Variants in XRN1 observed in about 807,000 individuals in gnomAD.
XRN1 encodes strand-exchange protein 1 homolog.
XRN1 carries 67 observed loss-of-function variants against 222.3 expected under a neutral mutation model. That is an observed-to-expected ratio of 0.30 (90% CI 0.25 to 0.37). XRN1 has a LOEUF of 0.37. XRN1 is among the 10% of genes least tolerant of loss of function. The pLI, the probability that XRN1 is intolerant of heterozygous loss-of-function variation, is 1.00. For synonymous variants in XRN1, 643 were observed against 652.4 expected, an observed-to-expected ratio of 0.99 and a Z score of 0.22; for missense variants, 1,707 against 2,000.2, an observed-to-expected ratio of 0.85 and a Z score of 2.80.
At position 142,433,247 on chromosome 3, in the gene XRN1, C is replaced by A. The variant is rs57584330; in HGVS notation, c.76-354G>T. 8.7e-4 allele frequency among the ~76,000 whole-genome samples: 132 copies of A among 152,300 alleles called. 1 individual carries two copies. In the East Asian group the frequency reaches 0.025, roughly 29 times the overall value. ...ATTTGACATTAACTCCTCAAAACCT[C>A]AATTTCCTCTATAATGGGTAACAAA... On this transcript the variant is annotated intron_variant, in intron 1 of 40. Transcript: ENST00000392981.
Position 142,309,744 on chromosome 3 carries a change from T to C in XRN1, c.*1767A>G, listed in dbSNP as rs2065039603. ...AGTAATGAGTGAGGCAAATTCTCAA[T>C]GCTGGAGTTTGTACAGCTGAGGTGA... On this transcript the variant is annotated 3_prime_UTR_variant, in exon 41 of 41. Transcript: ENST00000392981. 6.6e-6 allele frequency: 1 copy of C among 152,246 alleles called. No individual in the cohort carries two copies. Among genetic ancestry groups the C allele is most frequent in the Non-Finnish European group, 1.5e-5 (1 of 68,046 alleles). The allele number at this position is 152,246 out of a possible 1,614,324, so 9.4% of individuals were successfully genotyped here.
At chr3:142,433,814 A>G (rs927687496) in intron 1 of XRN1, among the ~76,000 whole-genome samples, 2 of 152,230 alleles carry the variant, frequency 1.3e-5, no homozygotes, top group African/African-American at 4.8e-5. Context: ...CTTCTGAAAC[A>G]GTAATTCAAG....
chr3:142,445,469 T>C (rs2070461175), intron 1 of XRN1, among the ~76,000 whole-genome samples: 1 of 152,240 alleles, frequency 6.6e-6, no homozygotes, highest in South Asian at 2.1e-4. Flanking sequence ...CTCATTTTTA[T>C]GTGAATTTAA....
chr3:142,331,856 CCT>C (rs2065706376), intron 36 of XRN1, among the ~76,000 whole-genome samples: 1 of 152,112 alleles, frequency 6.6e-6, no homozygotes. Flanking sequence ...CTCACTGCAA[CCT>C]CTGCCTCCAA....
chr3:142,418,512 T>G lies in XRN1; in HGVS notation c.1338A>C (p.Val446=), dbSNP rs772584086. Residue 446 remains valine, a synonymous_variant, in exon 12 of 41, where the codon GTA becomes GTC. Transcript: ENST00000392981. ...CATTGGCAAAAACGTACTCAGATAC[T>G]ACGTCAACCCCCATCTTCGTCATGT... ...TYYMTKMGVD[V]VSDDFLADQA... is the part of the protein sequence containing the mutation. The G allele has an allele frequency of 2.5e-6, 4 of 1,607,696 alleles. No individual in the cohort carries two copies. The highest frequency in any genetic ancestry group is 3.4e-6 in the Non-Finnish European group (4 of 1,177,284).
chr3:142,436,819 C>T (rs929089188), intron 1 of XRN1, among the ~76,000 whole-genome samples: 1 of 152,036 alleles, frequency 6.6e-6, no homozygotes, highest in African/African-American at 2.4e-5. Context: ...TATTTACATA[C>T]GTATCTGCAT....
At chr3:142,315,604 G>A (rs1341430141) in intron 39 of XRN1, among the ~76,000 whole-genome samples, 1 of 151,666 alleles carries the variant, frequency 6.6e-6, no homozygotes, top group Non-Finnish European at 1.5e-5. Flanking sequence ...TGCCTCCTGG[G>A]TTCAAGCGAT....
At chr3:142,352,676 G>A (rs1321955806) in intron 32 of XRN1, among the ~76,000 whole-genome samples, 2 of 152,094 alleles carry the variant, frequency 1.3e-5, no homozygotes, top group Non-Finnish European at 2.9e-5. Context: ...GTCTTGCTCT[G>A]TCATCCAGGC....
At chr3:142,362,680 TTTTC>T (rs2066683101) in intron 29 of XRN1, among the ~76,000 whole-genome samples, 2 of 149,268 alleles carry the variant, frequency 1.3e-5, no homozygotes, top group African/African-American at 2.5e-5. Context: ...CCTTTTCTTC[TTTTC>T]TTTTTCTCTC....
intron 2 of XRN1, among the ~76,000 whole-genome samples, chr3:142,427,537 A>G (rs2069311661): frequency 6.6e-6 from 1 of 152,200 alleles, no homozygotes; most frequent in African/African-American, 2.4e-5. Context: ...ATCATCATTT[A>G]ATGTATACAT....
At chr3:142,373,811 T>C (rs2067059153) in intron 25 of XRN1, among the ~76,000 whole-genome samples, 1 of 151,912 alleles carries the variant, frequency 6.6e-6, no homozygotes, top group Non-Finnish European at 1.5e-5. Flanking sequence ...AAACCCCATC[T>C]CTACTAAAAA....
intron 36 of XRN1, 129 bp downstream of exon 36, chr3:142,332,245 CA>C (rs1213204656): frequency 5.1e-6 from 4 of 787,114 alleles, no homozygotes; most frequent in Non-Finnish European, 7.7e-6. Context: ...CACAGCAAGA[CA>C]CCATCTCTAA....
intron 33 of XRN1, among the ~76,000 whole-genome samples, chr3:142,340,749 G>A (rs76369175): frequency 0.071 from 10,755 of 152,166 alleles, 1,279 homozygotes; most frequent in African/African-American, 0.25. Flanking sequence ...AAATCTTACA[G>A]GCGAGAAGAC....
intron 39 of XRN1, among the ~76,000 whole-genome samples, chr3:142,317,702 C>T (rs1358834215): frequency 1.3e-5 from 2 of 152,174 alleles, no homozygotes; most frequent in Non-Finnish European, 2.9e-5. Context: ...CAACCAATCC[C>T]TCTCTTTTCA....
chr3:142,356,905 G>C lies in XRN1; in HGVS notation c.3672+7C>G, dbSNP rs775058619. On this transcript the variant is annotated splice_region_variant and intron_variant, in intron 31 of 40. Transcript: ENST00000392981. ...GTAGAGGAGAAGTTAAAGACTGAGA[G>C]TCTTACTTGAGTAGGAACAAAAAGT... The C allele has an allele frequency of 6.2e-7, 1 of 1,613,104 alleles. No individual in the cohort carries two copies. Among genetic ancestry groups the C allele is most frequent in the Non-Finnish European group, 8.5e-7 (1 of 1,179,238 alleles).
chr3:142,307,218 T>C lies in XRN1; in HGVS notation c.*4293A>G, dbSNP rs1007646451. The C allele has an allele frequency of 2.2e-4, 33 of 152,294 alleles. No homozygotes were observed. The highest frequency in any genetic ancestry group is 7.5e-4 in the African/African-American group (31 of 41,564). The allele number at this position is 152,294 out of a possible 1,614,324, so 9.4% of individuals were successfully genotyped here. A position where few individuals can be genotyped will look rare whatever the true frequency, so the allele number is the denominator to read the frequency against. On this transcript the variant is annotated 3_prime_UTR_variant, in exon 41 of 41. Coordinates refer to ENST00000392981, the MANE Select transcript of XRN1 (RefSeq NM_001282857.2). ...GGAAGAGAGAACTTAAAGCTAACTA[T>C]GGACCAAATTCTCATTCTTTTTAAT...
chr3:142,403,109 A>G (rs570034595), intron 18 of XRN1, among the ~76,000 whole-genome samples: 5 of 152,324 alleles, frequency 3.3e-5, no homozygotes, highest in African/African-American at 7.2e-5. Context: ...CCTGGTACTC[A>G]AGGTTCGACA....
chr3:142,419,643 T>C (rs959524599), intron 10 of XRN1, among the ~76,000 whole-genome samples: 2 of 152,236 alleles, frequency 1.3e-5, no homozygotes, highest in Admixed American at 1.3e-4. Flanking sequence ...ACCCCGTCTC[T>C]ACTAAAAATA....
intron 18 of XRN1, among the ~76,000 whole-genome samples, chr3:142,402,621 T>C (rs73864539): frequency 0.074 from 11,295 of 152,238 alleles, 1,387 homozygotes; most frequent in African/African-American, 0.26. Context: ...TTGCTTACAA[T>C]GAATGACTTA....
Sources: allele counts gnomAD v4.1 joint callset (sites outside exome capture counted in the v4.1 genomes callset), GRCh38; gene constraint gnomAD v4.1.1; transcripts MANE v1.5; gene names NCBI Gene and HGNC (gene_info 2026-07-23, HGNC 2026-07-21).